Variants in GRAMD1B observed in about 807,000 individuals in gnomAD.
The protein encoded by GRAMD1B is GRAM domain containing 1B.
GRAMD1B carries 37 observed loss-of-function variants against 99.7 expected under a neutral mutation model. That is an observed-to-expected ratio of 0.37 (90% CI 0.29 to 0.49). The LOEUF (loss-of-function observed/expected upper bound fraction) is 0.49. GRAMD1B is among the 20% of genes least tolerant of loss of function. GRAMD1B has a pLI of 0.98. For synonymous variants in GRAMD1B, 427 were observed against 387.6 expected, an observed-to-expected ratio of 1.10 and a Z score of -1.19; for missense variants, 888 against 1,009.2, an observed-to-expected ratio of 0.88 and a Z score of 1.63.
At chr11:123,596,935 A>C (rs1210998783) in intron 7 of GRAMD1B, among the ~76,000 whole-genome samples, 1 of 151,868 alleles carries the variant, frequency 6.6e-6, no homozygotes, top group African/African-American at 2.4e-5. Context: ...ACTCTACCCA[A>C]CTCTACCATG....
At chr11:123,470,536 C>T (rs886390700) in intron 1 of GRAMD1B, among the ~76,000 whole-genome samples, 6 of 110,898 alleles carry the variant, frequency 5.4e-5, no homozygotes, top group Admixed American at 4.3e-4. Context: ...TTTTTTGAGG[C>T]GGGGTCTCAC....
chr11:123,470,510 CTTTTTT>C (rs61137951), intron 1 of GRAMD1B, among the ~76,000 whole-genome samples: 6 of 102,716 alleles, frequency 5.8e-5, no homozygotes, highest in East Asian at 5.8e-4. Flanking sequence ...TTCTTTCTTT[CTTTTTT>C]TTTTTTTTTT....
chr11:123,612,993 T>C, intron 15 of GRAMD1B, 129 bp downstream of exon 15: 1 of 626,440 alleles, frequency 1.6e-6, no homozygotes, highest in East Asian at 2.8e-5. Flanking sequence ...TTTCATGAGG[T>C]ACCCACACCT....
In GRAMD1B at chr11:123,608,855, T is replaced by C. The variant is rs1051274310; in HGVS notation, c.1657+53T>C. 12 of 1,176,810 alleles carry C rather than the reference T, an allele frequency of 1.0e-5. No individual in the cohort carries two copies. The African/African-American group carries it at 1.7e-4, about 16-fold the overall frequency. The allele number at this position is 1,176,810 out of a possible 1,614,324, so 72.9% of individuals were successfully genotyped here. On this transcript the variant is annotated intron_variant, in intron 12 of 19. Coordinates refer to ENST00000635736, the MANE Select transcript of GRAMD1B (RefSeq NM_001387025.1). Reference sequence around the variant, plus strand: ...ATTCCTCCCTCTTCATCCTCACTTCTTCCCTCTCTACATTTGCTTCCTTCC... The same window carrying C: ...ATTCCTCCCTCTTCATCCTCACTTCCTCCCTCTCTACATTTGCTTCCTTCC...
At chr11:123,583,004 G>A (rs925534443) in intron 3 of GRAMD1B, among the ~76,000 whole-genome samples, 5 of 152,080 alleles carry the variant, frequency 3.3e-5, no homozygotes, top group East Asian at 1.9e-4. Flanking sequence ...GTGTGCATGC[G>A]CAAGTGTGTG....
In GRAMD1B at chr11:123,593,727, G is replaced by A. The variant is rs566808392; in HGVS notation, c.685-355G>A. Among the ~76,000 whole-genome samples the A allele has an allele frequency of 4.1e-4, 62 of 152,290 alleles. No individual in the cohort carries two copies. The South Asian group carries it at 0.012, about 30-fold the overall frequency. On this transcript the variant is annotated intron_variant, in intron 4 of 19. Coordinates refer to ENST00000635736, the MANE Select transcript of GRAMD1B (RefSeq NM_001387025.1). ...TGGGTCCCTGCTTCACTGTCAAGGTGGTGCTGGCAGAAGGCAGAACAGCAG... is the reference window on the plus strand; with the variant it reads ...TGGGTCCCTGCTTCACTGTCAAGGTAGTGCTGGCAGAAGGCAGAACAGCAG...
chr11:123,461,620 T>C (rs923777681), intron 1 of GRAMD1B, among the ~76,000 whole-genome samples: 51 of 152,332 alleles, frequency 3.3e-4, no homozygotes, highest in African/African-American at 9.6e-4. Context: ...TTGTTTTGTT[T>C]TGAGACAGAG....
chr11:123,583,353 ATGTG>A (rs919915607), intron 3 of GRAMD1B, among the ~76,000 whole-genome samples: 9 of 139,224 alleles, frequency 6.5e-5, no homozygotes, highest in African/African-American at 1.4e-4. Context: ...GCACGTGTGC[ATGTG>A]TGTATGTGTG....
chr11:123,376,008 G>T (rs569411657), intron 1 of GRAMD1B, among the ~76,000 whole-genome samples: 19 of 152,060 alleles, frequency 1.2e-4, no homozygotes, highest in African/African-American at 4.3e-4. Context: ...ATTGGCATTT[G>T]GTCAGCAGCC....
At chr11:123,597,904 G>A (rs1321547813) in intron 7 of GRAMD1B, 10 of 917,526 alleles carry the variant, frequency 1.1e-5, no homozygotes, top group Non-Finnish European at 1.6e-5. Context: ...TCTCAGGGAA[G>A]CCTGGGCTAG....
chr11:123,415,440 C>A (rs1481838490), intron 1 of GRAMD1B, among the ~76,000 whole-genome samples: 1 of 151,910 alleles, frequency 6.6e-6, no homozygotes, highest in East Asian at 1.9e-4. Flanking sequence ...TCTGAAATTC[C>A]AAAGGCTTGT....
chr11:123,494,362 C>T (rs140086106), intron 2 of GRAMD1B, among the ~76,000 whole-genome samples: 2,167 of 151,952 alleles, frequency 0.014, 37 homozygotes, highest in African/African-American at 0.049. Context: ...TTTCTCTGAT[C>T]CACCTGCACA....
intron 2 of GRAMD1B, among the ~76,000 whole-genome samples, chr11:123,555,463 C>T (rs1435063805): frequency 6.6e-6 from 1 of 152,150 alleles, no homozygotes; most frequent in Non-Finnish European, 1.5e-5. Context: ...ACTCTCCTGC[C>T]TCAGCCTCCC....
intron 1 of GRAMD1B, among the ~76,000 whole-genome samples, chr11:123,368,232 C>A (rs1366322416): frequency 8.0e-6 from 1 of 125,432 alleles, no homozygotes; most frequent in Admixed American, 9.3e-5. Context: ...CCTGCCTGGG[C>A]GACAGTGCGA....
chr11:123,477,885 T>C (rs1281726970), intron 1 of GRAMD1B, among the ~76,000 whole-genome samples: 1 of 151,878 alleles, frequency 6.6e-6, no homozygotes, highest in Non-Finnish European at 1.5e-5. Flanking sequence ...GTGATTCTCC[T>C]GACCTCAGTC....
At chr11:123,581,715 A>C (rs764206163) in intron 3 of GRAMD1B, among the ~76,000 whole-genome samples, 4 of 152,230 alleles carry the variant, frequency 2.6e-5, no homozygotes, top group Non-Finnish European at 5.9e-5. Context: ...TCTTTAGTAC[A>C]TGTTCTTACC....
chr11:123,606,630 G>A lies in GRAMD1B; in HGVS notation c.1345G>A (p.Glu449Lys). Residue 449 changes from glutamate to lysine, a missense_variant, in exon 11 of 20, where the codon GAA (glutamate) becomes AAA (lysine). This residue lies in a region of GRAMD1B where 269 missense variants were observed against 296.6 expected (regional missense o/e 0.91). Coordinates refer to ENST00000635736, the MANE Select transcript of GRAMD1B (RefSeq NM_001387025.1). ...PVSFDGLPLEEEALEGDGSLE... is the reference protein window; with the variant it reads ...PVSFDGLPLEKEALEGDGSLE... ...CCAGTTTGATGGGCTGCCCCTGGAG[G>A]AAGAGGCGCTGGAGGGAGACGGGTC... 1 of 1,611,870 alleles carries A rather than the reference G, an allele frequency of 6.2e-7. No homozygotes were observed. Among genetic ancestry groups the A allele is most frequent in the Non-Finnish European group, 8.5e-7 (1 of 1,179,204 alleles).
rs185011235 is a variant in GRAMD1B, at chr11:123,480,943, G to A, written c.452+50G>A. ...ATGGGGGCAAAGAATAGAGGGGGTGGGGTGGAATGTTTGAGGAAGATTGTG... is the reference window on the plus strand; with the variant it reads ...ATGGGGGCAAAGAATAGAGGGGGTGAGGTGGAATGTTTGAGGAAGATTGTG... On this transcript the variant is annotated intron_variant, in intron 2 of 19. Coordinates refer to ENST00000635736, the MANE Select transcript of GRAMD1B (RefSeq NM_001387025.1). The A allele has an allele frequency of 2.5e-5, 10 of 398,750 alleles. No homozygotes were observed. The Admixed American group carries it at 4.0e-4, about 16-fold the overall frequency. 24.7% of individuals were successfully genotyped at this position (398,750 alleles called of 1,614,324 possible). A position where few individuals can be genotyped will look rare whatever the true frequency, so the allele number is the denominator to read the frequency against.
chr11:123,584,520 A>G (rs908499781), intron 4 of GRAMD1B, among the ~76,000 whole-genome samples, 188 bp downstream of exon 4: 6 of 126,722 alleles, frequency 4.7e-5, no homozygotes, highest in Non-Finnish European at 9.9e-5. Flanking sequence ...GGGAGGGAGG[A>G]TTGCATTCAG....
Sources: gnomAD v4.1 joint callset for allele counts (sites outside exome capture counted in the v4.1 genomes callset) on GRCh38, gnomAD v4.1.1 for gene constraint, gnomAD v4.1.1 regional missense constraint, MANE v1.5 for transcripts, NCBI Gene and HGNC (gene_info 2026-07-23, HGNC 2026-07-21) for gene names.